PLD5: variants seen among roughly 807,000 people sequenced by gnomAD.
PLD5 encodes phospholipase D family member 5, also known as inactive phospholipase D5.
In PLD5, 36 loss-of-function variants were observed where a neutral mutation model predicts 61.1. The observed-to-expected ratio is 0.59, with a 90% CI of 0.45 to 0.78. The LOEUF (loss-of-function observed/expected upper bound fraction) is 0.78, where lower values mean the gene tolerates loss of function less well. PLD5 is among the 30% of genes least tolerant of loss of function. PLD5 has a pLI of 0.00. For synonymous variants in PLD5, 243 were observed against 242.8 expected, an observed-to-expected ratio of 1.00 and a Z score of -0.01; for missense variants, 515 against 644.4, an observed-to-expected ratio of 0.80 and a Z score of 2.17.
chr1:242,112,339 G>GTGTGTATATATATATATA (rs1370325825), intron 7 of PLD5, among the ~76,000 whole-genome samples: 36 of 143,398 alleles, frequency 2.5e-4, no homozygotes, highest in Admixed American at 8.3e-4. Flanking sequence ...ATGTATATGT[G>GTGTGTATATATATATATA]TATATATATA....
At chr1:242,350,963 G>A (rs533849763) in intron 1 of PLD5, among the ~76,000 whole-genome samples, 18 of 150,598 alleles carry the variant, frequency 1.2e-4, no homozygotes, top group Admixed American at 3.3e-4. Context: ...GTGCAATGGC[G>A]TGATCACCGC....
chr1:242,316,607 A>T (rs1364932002), intron 2 of PLD5, among the ~76,000 whole-genome samples: 1 of 152,188 alleles, frequency 6.6e-6, no homozygotes, highest in Non-Finnish European at 1.5e-5. Flanking sequence ...ATAATTTTAG[A>T]TTATTTAACA....
chr1:242,350,015 C>T (rs1660383685), intron 1 of PLD5, among the ~76,000 whole-genome samples: 1 of 151,974 alleles, frequency 6.6e-6, no homozygotes, highest in Admixed American at 6.6e-5. Context: ...AGCCACTACA[C>T]TCCAGTGTGG....
intron 1 of PLD5, among the ~76,000 whole-genome samples, chr1:242,414,145 A>C (rs559712007): frequency 2.6e-5 from 4 of 152,336 alleles, no homozygotes; most frequent in Admixed American, 2.0e-4. Flanking sequence ...GGCTTTGAGA[A>C]ATAATTAGGA....
At chr1:242,249,492 A>G (rs1385331304) in intron 4 of PLD5, among the ~76,000 whole-genome samples, 7 of 152,242 alleles carry the variant, frequency 4.6e-5, no homozygotes, top group Non-Finnish European at 1.0e-4. Context: ...CCTTCAAATC[A>G]TCTTTCAAAG....
In PLD5 at chr1:242,424,983, T is replaced by C. The variant is rs1283558021; in HGVS notation, c.190-76741A>G. On this transcript the variant is annotated intron_variant, in intron 1 of 9. Coordinates refer to ENST00000536534, the MANE Select transcript of PLD5 (RefSeq NM_001372062.1). ...CTCGTCTGTACTAAAAATACAACAA[T>C]TAGCTGGGTGTGGTTGTGCACGCCT... Among the ~76,000 whole-genome samples the C allele has an allele frequency of 2.0e-5, 3 of 152,134 alleles. No individual in the cohort carries two copies. The East Asian group carries it at 5.8e-4, about 29-fold the overall frequency.
At chr1:242,149,901 C>T (rs1289593536) in intron 5 of PLD5, among the ~76,000 whole-genome samples, 1 of 151,694 alleles carries the variant, frequency 6.6e-6, no homozygotes, top group African/African-American at 2.4e-5. Context: ...TGTTTGTCAA[C>T]AGTGTTAATT....
chr1:242,215,307 A>T (rs1670109118), intron 5 of PLD5, among the ~76,000 whole-genome samples: 1 of 152,040 alleles, frequency 6.6e-6, no homozygotes, highest in African/African-American at 2.4e-5. Flanking sequence ...AATATCCAAC[A>T]TTCCACAGGC....
intron 7 of PLD5, among the ~76,000 whole-genome samples, chr1:242,112,323 G>GTATATA (rs1491036599): frequency 1.2e-5 from 1 of 80,568 alleles, no homozygotes; most frequent in Non-Finnish European, 2.2e-5. Flanking sequence ...GTGTGTGTGT[G>GTATATA]TATGTATGTA....
intron 1 of PLD5, among the ~76,000 whole-genome samples, chr1:242,396,018 A>C (rs1386016452): frequency 1.3e-5 from 2 of 152,178 alleles, no homozygotes; most frequent in African/African-American, 4.8e-5. Flanking sequence ...ATTGCACTCC[A>C]GCCTGGGTAA....
Position 242,220,170 on chromosome 1 carries a change from G to A in PLD5, c.608-55C>T, listed in dbSNP as rs556512668. 3.8e-6 allele frequency: 6 copies of A among 1,590,228 alleles called. No homozygotes were observed. In the African/African-American group the frequency reaches 6.7e-5, roughly 18 times the overall value. ...TCTGCGTCAAGGCCCTGCCTGGGCT[G>A]TCAGTCACCTACCAGTGGAAATATT... On this transcript the variant is annotated intron_variant, in intron 4 of 9. Coordinates refer to ENST00000536534, the MANE Select transcript of PLD5 (RefSeq NM_001372062.1).
At position 242,088,998 on chromosome 1, in the gene PLD5, A is replaced by G. The variant is rs1659611766; in HGVS notation, c.*856T>C. ...AAAAACTACTTTATTCCCAAAATGC[A>G]GACTTGATAGCTTGCTGGATATTAG... On this transcript the variant is annotated 3_prime_UTR_variant, in exon 10 of 10. Transcript: ENST00000536534. 2 of 257,910 alleles carry G rather than the reference A, an allele frequency of 7.8e-6. No individual in the cohort carries two copies. The highest frequency in any genetic ancestry group is 1.5e-5 in the Non-Finnish European group (2 of 137,898). The allele number at this position is 257,910 out of a possible 1,614,324, so 16.0% of individuals were successfully genotyped here. A position where few individuals can be genotyped will look rare whatever the true frequency, so the allele number is the denominator to read the frequency against.
In PLD5 at chr1:242,220,069, C is replaced by T. The variant is rs1457888538; in HGVS notation, c.654G>A (p.Arg218=). 3 of 1,614,208 alleles carry T rather than the reference C, an allele frequency of 1.9e-6. No individual in the cohort carries two copies. The highest frequency in any genetic ancestry group is 1.1e-5 in the South Asian group (1 of 91,088). Residue 218 remains arginine (R), a synonymous_variant, in exon 5 of 10, where the codon CGG becomes CGA. Transcript: ENST00000536534. The part of the protein sequence containing the change: ...YMNMTAYNKG[R]LQSSFWIVDK... ...CCACGATCCAGAAGGAGGACTGCAG[C>T]CGGCCCTTGTTGTAAGCGGTCATGT...
At chr1:242,276,166 A>AT (rs1674399963) in intron 3 of PLD5, among the ~76,000 whole-genome samples, 4 of 151,442 alleles carry the variant, frequency 2.6e-5, no homozygotes. Context: ...AACCAGACAC[A>AT]TTTCTAAAAA....
At chr1:242,228,044 A>T (rs562705852) in intron 4 of PLD5, among the ~76,000 whole-genome samples, 1 of 152,304 alleles carries the variant, frequency 6.6e-6, no homozygotes, top group South Asian at 2.1e-4. Flanking sequence ...TAGTTTCATA[A>T]CTAGTGTTAT....
intron 2 of PLD5, among the ~76,000 whole-genome samples, chr1:242,294,425 T>A (rs1675535327): frequency 6.6e-6 from 1 of 152,230 alleles, no homozygotes; most frequent in South Asian, 2.1e-4. Context: ...CTATTTGTAG[T>A]TTCCCTTTAA....
intron 5 of PLD5, among the ~76,000 whole-genome samples, chr1:242,146,001 T>C (rs1370616905): frequency 6.6e-6 from 1 of 152,194 alleles, no homozygotes; most frequent in Non-Finnish European, 1.5e-5. Flanking sequence ...TAAAAGTACA[T>C]AGGAAAGTTT....
intron 1 of PLD5, among the ~76,000 whole-genome samples, chr1:242,362,776 G>A (rs918291027): frequency 6.6e-6 from 1 of 152,026 alleles, no homozygotes; most frequent in African/African-American, 2.4e-5. Flanking sequence ...GTTCCTTAGG[G>A]CTCTATCTTA....
chr1:242,176,636 G>A (rs1667166362), intron 5 of PLD5, among the ~76,000 whole-genome samples: 1 of 152,148 alleles, frequency 6.6e-6, no homozygotes, highest in Non-Finnish European at 1.5e-5. Context: ...ACTATCATCA[G>A]TGAACAGGCA....
Sources: allele counts gnomAD v4.1 joint callset (sites outside exome capture counted in the v4.1 genomes callset), GRCh38; gene constraint gnomAD v4.1.1; transcripts MANE v1.5; gene names NCBI Gene and HGNC (gene_info 2026-07-23, HGNC 2026-07-21).